WDR90: variants seen among roughly 807,000 people sequenced by gnomAD.
WDR90 encodes WD repeat domain 90.
Under a neutral mutation model 195.2 loss-of-function variants are expected in WDR90, and 238 were observed. That is an observed-to-expected ratio of 1.22 (90% CI 1.10 to 1.36). WDR90 has a LOEUF of 1.36. Ranked by LOEUF, WDR90 falls within the 40% of genes most tolerant of loss-of-function variation. The probability of loss-of-function intolerance (pLI) is 0.00; values close to 1 mark genes in which losing one functional copy is unlikely to be tolerated. For synonymous variants in WDR90, 1,265 were observed against 1,052.4 expected, an observed-to-expected ratio of 1.20 and a Z score of -3.91; for missense variants, 2,734 against 2,439.5, an observed-to-expected ratio of 1.12 and a Z score of -2.54.
In WDR90 at chr16:657,150, G is replaced by C; in HGVS notation, c.2402G>C (p.Ser801Thr). The C allele has an allele frequency of 6.4e-7, 1 of 1,569,070 alleles. No individual in the cohort carries two copies. The highest frequency in any genetic ancestry group is 8.6e-7 in the Non-Finnish European group (1 of 1,158,140). ...ACCCCTGACGGCCGCCTGCTCTTCA[G>C]CTCCTGCTCCCAGGGCTCCCTGGCC... ...TATPDGRLLF[S>T]SCSQGSLAQY... Residue 801 changes from serine to threonine, a missense_variant, in exon 20 of 41, where the codon AGC (serine) becomes ACC (threonine). Transcript: ENST00000293879.
intron 34 of WDR90, chr16:665,292 ACGGCCACAC>A: frequency 4.6e-6 from 2 of 431,994 alleles, no homozygotes; most frequent in Admixed American, 4.4e-5. Flanking sequence ...CTAGGGACGC[ACGGCCACAC>A]TCCTGTCTTT....
chr16:655,178 A>T lies in WDR90; in HGVS notation c.1556+31A>T. 3 of 1,612,232 alleles carry T rather than the reference A, an allele frequency of 1.9e-6. No individual in the cohort carries two copies. In the South Asian group the frequency reaches 3.3e-5, roughly 18 times the overall value. On this transcript the variant is annotated intron_variant, in intron 14 of 40. Coordinates refer to ENST00000293879, the MANE Select transcript of WDR90 (RefSeq NM_145294.5). ...GCAGCCGCCCATCCACGATGTTGGGAGAGGGTCTGGGCCCGGAGTGGGGGC... is the reference window on the plus strand; with the variant it reads ...GCAGCCGCCCATCCACGATGTTGGGTGAGGGTCTGGGCCCGGAGTGGGGGC...
rs749949629 is a variant in WDR90 at position 667,766 on chromosome 16, G to C, written c.*177G>C. 42 of 861,830 alleles carry C rather than the reference G, an allele frequency of 4.9e-5. No homozygotes were observed. Among genetic ancestry groups the C allele is most frequent in the Non-Finnish European group, 6.9e-5 (37 of 539,080 alleles). The allele number at this position is 861,830 out of a possible 1,614,324, so 53.4% of individuals were successfully genotyped here. A position where few individuals can be genotyped will look rare whatever the true frequency, so the allele number is the denominator to read the frequency against. On this transcript the variant is annotated 3_prime_UTR_variant, in exon 41 of 41. Transcript: ENST00000293879. ...GCGCCCTGTGAATACTTTCATACCT[G>C]TTGCCCTTTTGCCTAAGAAATCTTT...
Position 666,127 on chromosome 16 carries a change from G to A in WDR90, c.4609+3G>A. On this transcript the variant is annotated splice_donor_region_variant and intron_variant, in intron 36 of 40. Coordinates refer to ENST00000293879, the MANE Select transcript of WDR90 (RefSeq NM_145294.5). ...CACTGTTGCCTTCTCCACCGATGGT[G>A]AGGAGTTGGGTGTGTTGGGGATGGT... 1 of 1,609,058 alleles carries A rather than the reference G, an allele frequency of 6.2e-7. No homozygotes were observed. The highest frequency in any genetic ancestry group is 8.5e-7 in the Non-Finnish European group (1 of 1,177,506).
chr16:656,946 G>A (rs1421677667), intron 19 of WDR90, 75 bp downstream of exon 19: 3 of 1,569,060 alleles, frequency 1.9e-6, no homozygotes, highest in African/African-American at 1.4e-5. Flanking sequence ...GGGGTCATGT[G>A]CAGGATGGCC....
In WDR90 at chr16:655,043, G is replaced by C. The variant is rs1466046391; in HGVS notation, c.1452G>C (p.Trp484Cys). 2.2e-5 allele frequency: 36 copies of C among 1,612,594 alleles called. No homozygotes were observed. The highest frequency in any genetic ancestry group is 3.1e-5 in the Non-Finnish European group (36 of 1,179,772). ...GCTTGTTGCAGATGGTGGTGGCCTG[G>C]GGCACCGGCCAGGTGGGCCTCGGTG... ...DHHGRTMVVAWGTGQVGLGGE... is the reference protein window; with the variant it reads ...DHHGRTMVVACGTGQVGLGGE... Residue 484 changes from tryptophan to cysteine, a missense_variant, in exon 14 of 41, where the codon TGG (tryptophan) becomes TGC (cysteine). By Grantham distance (215) the Trp-to-Cys change is radical. Transcript: ENST00000293879.
chr16:657,602 G>A (rs986854619), intron 20 of WDR90, among the ~76,000 whole-genome samples, 160 bp from the exon 21 acceptor site: 8 of 152,332 alleles, frequency 5.3e-5, no homozygotes, highest in African/African-American at 1.7e-4. Flanking sequence ...AGCGCCTGGC[G>A]CCCACTGGCA....
chr16:663,451 T>C (rs1370662645), intron 34 of WDR90: 1 of 226,548 alleles, frequency 4.4e-6, no homozygotes, highest in Non-Finnish European at 8.9e-6. Context: ...AAAAAAAAGA[T>C]GAAAAACCCC....
At chr16:658,415 A>C in intron 22 of WDR90, 71 bp downstream of exon 22, 1 of 1,582,432 alleles carries the variant, frequency 6.3e-7, no homozygotes, top group Non-Finnish European at 8.6e-7. Flanking sequence ...CTGTGCCTGC[A>C]GCCTCTCCAG....
intron 14 of WDR90, 44 bp downstream of exon 14, chr16:655,191 C>G: frequency 6.2e-7 from 1 of 1,612,274 alleles, no homozygotes; most frequent in South Asian, 1.1e-5. Flanking sequence ...GGGTCTGGGC[C>G]CGGAGTGGGG....
At position 666,291 on chromosome 16, in the gene WDR90, C is replaced by G. The variant is rs143767432; in HGVS notation, c.4681C>G (p.Arg1561Gly). Residue 1561 changes from arginine to glycine, a missense_variant, in exon 37 of 41, where the codon CGT becomes GGT. Coordinates refer to ENST00000293879, the MANE Select transcript of WDR90 (RefSeq NM_145294.5). ...CCACCCCTGCACAGGGACAACCTTC[C>G]GTGTGCTGAGTGACCACCAGGGCGC... ...VSHPCTGTTF[R>G]VLSDHQGAPI... 1.2e-6 allele frequency: 2 copies of G among 1,612,734 alleles called. No homozygotes were observed. The highest frequency in any genetic ancestry group is 1.7e-4 in the Middle Eastern group (1 of 6,060).
At chr16:649,713 C>T in intron 1 of WDR90, 50 bp from the exon 2 acceptor site, 2 of 1,523,724 alleles carry the variant, frequency 1.3e-6, no homozygotes, top group Non-Finnish European at 1.8e-6. Flanking sequence ...CCGCAGTGGC[C>T]CCGGCTCGCG....
Position 657,203 on chromosome 16 carries a change from C to T in WDR90, c.2455C>T (p.His819Tyr). ...GTACAGCTGTGCGGACCCCCAGTGG[C>T]ATGTCCTCCGAGTGGCAGGTTGGGC... The part of the protein sequence containing the change: ...AQYSCADPQW[H>Y]VLRVAADMVC... The change falls in exon 20 of 41, where the codon CAT becomes TAT. Residue 819 changes from histidine to tyrosine, a missense_variant. Transcript: ENST00000293879. 6.4e-7 allele frequency: 1 copy of T among 1,552,212 alleles called. No homozygotes were observed. Among genetic ancestry groups the T allele is most frequent in the Non-Finnish European group, 8.7e-7 (1 of 1,147,994 alleles).
rs1255625272 is a variant in WDR90 at position 656,377 on chromosome 16, ACCTGGGCTT to A, written c.2048_2056del (p.Gly683_Leu685del). ...GTGCTGTCTGCCACCTCCTCGGGCC[ACCTGGGCTT>A]CCTGGACACGCTGTCCCGGGTGTAC... On this transcript the variant is annotated inframe_deletion, in exon 18 of 41. Transcript: ENST00000293879. The A allele has an allele frequency of 4.4e-6, 7 of 1,608,316 alleles. No homozygotes were observed. Among genetic ancestry groups the A allele is most frequent in the Non-Finnish European group, 5.9e-6 (7 of 1,179,266 alleles).
Position 656,822 on chromosome 16 carries a change from G to T in WDR90, c.2293G>T (p.Ala765Ser), listed in dbSNP as rs1223248501. Residue 765 changes from alanine to serine, a missense_variant, in exon 19 of 41, where the codon GCC (alanine) becomes TCC (serine). Ala to Ser is a moderately conservative substitution (Grantham distance 99). Coordinates refer to ENST00000293879, the MANE Select transcript of WDR90 (RefSeq NM_145294.5). ...PTFFCGFSSG[A>S]VRSFSLEAAE... ...CTTTTTCTGTGGCTTTAGCAGTGGG[G>T]CCGTGCGCTCCTTCAGCCTGGAGGC... is the stretch of plus-strand genomic sequence containing the variant. 5 of 1,613,082 alleles carry T rather than the reference G, an allele frequency of 3.1e-6. No homozygotes were observed. Among genetic ancestry groups the T allele is most frequent in the Non-Finnish European group, 4.2e-6 (5 of 1,179,978 alleles).
Position 665,746 on chromosome 16 carries a change from G to T in WDR90, c.4379G>T (p.Arg1460Leu). The T allele has an allele frequency of 1.2e-6, 2 of 1,609,720 alleles. No homozygotes were observed. The highest frequency in any genetic ancestry group is 2.7e-5 in the African/African-American group (2 of 75,008). ...CATCSEDGSV[R>L]VWALASMELV... ...ACATGCAGTGAGGATGGGAGTGTGC[G>T]GGTGTGGGCCTTGGCCAGCATGGAG... Residue 1460 changes from arginine (R) to leucine (L), a missense_variant, in exon 35 of 41, where the codon CGG becomes CTG. By Grantham distance (102) the Arg-to-Leu change is moderately radical. Transcript: ENST00000293879.
Position 649,980 on chromosome 16 carries a change from C to T in WDR90, c.103-11C>T. 5 of 1,611,654 alleles carry T rather than the reference C, an allele frequency of 3.1e-6. No individual in the cohort carries two copies. Among genetic ancestry groups the T allele is most frequent in the African/African-American group, 2.7e-5 (2 of 75,052 alleles). On this transcript the variant is annotated splice_polypyrimidine_tract_variant and intron_variant, in intron 2 of 40. Transcript: ENST00000293879. ...GGGTGCTGTCGGTGATGCGGGCTCC[C>T]GCTTCTCCAGGACAAGACCCTGAAG...
In WDR90 at chr16:654,025, C is replaced by T. The variant is rs951675900; in HGVS notation, c.1437+222C>T. 5.3e-5 allele frequency: 32 copies of T among 609,476 alleles called. 1 individual carries two copies. In the South Asian group the frequency reaches 6.3e-4, roughly 12 times the overall value. The allele number at this position is 609,476 out of a possible 1,614,324, so 37.8% of individuals were successfully genotyped here. Reference sequence around the variant, plus strand: ...ACATTTCACGTCTCGGCTTTTCGGCCATCGGAGTCGGTTTAAGCCAGCGTT... The same window carrying T: ...ACATTTCACGTCTCGGCTTTTCGGCTATCGGAGTCGGTTTAAGCCAGCGTT... On this transcript the variant is annotated intron_variant, in intron 13 of 40. Coordinates refer to ENST00000293879, the MANE Select transcript of WDR90 (RefSeq NM_145294.5).
Position 661,620 on chromosome 16 carries a change from G to A in WDR90, c.3697G>A (p.Ala1233Thr), listed in dbSNP as rs943951214. 21 of 1,598,548 alleles carry A rather than the reference G, an allele frequency of 1.3e-5. No individual in the cohort carries two copies. Among genetic ancestry groups the A allele is most frequent in the South Asian group, 3.4e-5 (3 of 89,442 alleles). The change falls in exon 31 of 41, where the codon GCC (alanine) becomes ACC (threonine). Residue 1233 changes from alanine to threonine, a missense_variant. Physicochemically the swap from Ala to Thr is moderately conservative, Grantham distance 58 (BLOSUM62 0). Coordinates refer to ENST00000293879, the MANE Select transcript of WDR90 (RefSeq NM_145294.5). ...AGGGGACCACGATGGCCGCACCCTC[G>A]CCCTGTGGGGCACGGCCACCTATGA... is the stretch of plus-strand genomic sequence containing the variant. The part of the protein sequence containing the change: ...TLGDHDGRTL[A>T]LWGTATYDLV...
Sources: allele counts gnomAD v4.1 joint callset (sites outside exome capture counted in the v4.1 genomes callset), GRCh38; gene constraint gnomAD v4.1.1; transcripts MANE v1.5; gene names NCBI Gene and HGNC (gene_info 2026-07-23, HGNC 2026-07-21).